The following PLEKHM3 variants were observed in gnomAD, a reference collection of about 807,000 sequenced individuals.
PLEKHM3 encodes pleckstrin homology domain containing M3.
PLEKHM3 carries 45 observed loss-of-function variants against 81.8 expected under a neutral mutation model. That is an observed-to-expected ratio of 0.55 (90% CI 0.43 to 0.71). The LOEUF (loss-of-function observed/expected upper bound fraction) is 0.71, where lower values mean the gene tolerates loss of function less well. PLEKHM3 is among the 30% of genes least tolerant of loss of function. The pLI is 0.00. For missense variants in PLEKHM3, 788 were observed against 924.3 expected (o/e 0.85, Z 1.91); for synonymous variants, 352 against 356.4 (o/e 0.99, Z 0.14).
chr2:207,841,472 AAAAAAAAAATATATATATATAT>A (rs1559203173), intron 7 of PLEKHM3, among the ~76,000 whole-genome samples: 7 of 41,952 alleles, frequency 1.7e-4, no homozygotes, highest in African/African-American at 3.0e-4. Flanking sequence ...AAAAAAAAAA[AAAAAAAAAATATATATATATAT>A]ATATATATAT....
intron 6 of PLEKHM3, among the ~76,000 whole-genome samples, chr2:207,889,739 T>C (rs998706214): frequency 6.6e-6 from 1 of 152,092 alleles, no homozygotes; most frequent in Admixed American, 6.6e-5. Flanking sequence ...TCCAATGCCA[T>C]TCCTGGGCCA....
intron 6 of PLEKHM3, among the ~76,000 whole-genome samples, chr2:207,894,541 TA>T: frequency 1.5e-5 from 2 of 129,598 alleles, no homozygotes; most frequent in East Asian, 4.4e-4. Context: ...AAAGACATGG[TA>T]GAGTTTCAGA....
intron 3 of PLEKHM3, among the ~76,000 whole-genome samples, chr2:207,948,081 C>CA (rs941202373): frequency 3.8e-4 from 57 of 148,128 alleles, no homozygotes; most frequent in East Asian, 1.2e-3. Context: ...TATTGAGCAG[C>CA]AAAAAAAAAA....
At chr2:207,933,754 A>C (rs902618605) in intron 4 of PLEKHM3, among the ~76,000 whole-genome samples, 2 of 152,212 alleles carry the variant, frequency 1.3e-5, no homozygotes, top group Non-Finnish European at 2.9e-5. Flanking sequence ...AAATTACAAA[A>C]AACAAAAACA....
chr2:207,847,868 G>A (rs1175275931), intron 7 of PLEKHM3, among the ~76,000 whole-genome samples: 1 of 152,142 alleles, frequency 6.6e-6, no homozygotes, highest in African/African-American at 2.4e-5. Context: ...CATATACATT[G>A]GGGGAAGCTA....
intron 2 of PLEKHM3, among the ~76,000 whole-genome samples, chr2:207,986,430 C>T (rs1691722148): frequency 6.6e-6 from 1 of 152,004 alleles, no homozygotes; most frequent in South Asian, 2.1e-4. Flanking sequence ...GCTATCCAGG[C>T]TATAGTAAGC....
chr2:208,015,715 A>T (rs28664011), intron 1 of PLEKHM3, among the ~76,000 whole-genome samples: 313 of 152,336 alleles, frequency 2.1e-3, no homozygotes, highest in African/African-American at 7.2e-3. Flanking sequence ...TAATTGCCCA[A>T]GCCTTTTACT....
At chr2:207,903,504 AAG>A (rs898182092) in intron 6 of PLEKHM3, among the ~76,000 whole-genome samples, 26 of 152,310 alleles carry the variant, frequency 1.7e-4, no homozygotes, top group African/African-American at 6.3e-4. Context: ...GTAATACCAG[AAG>A]AGTTAGTCAT....
chr2:207,951,654 G>C (rs1559253024), intron 3 of PLEKHM3, among the ~76,000 whole-genome samples: 1 of 152,068 alleles, frequency 6.6e-6, no homozygotes, highest in Non-Finnish European at 1.5e-5. Flanking sequence ...CCTATTTGCT[G>C]CACGTACAGT....
intron 1 of PLEKHM3, among the ~76,000 whole-genome samples, chr2:208,016,664 A>ACACACACACACAC (rs1325314479): frequency 3.7e-5 from 1 of 26,740 alleles, no homozygotes; most frequent in African/African-American, 8.4e-5. Context: ...AAAAAAAAAA[A>ACACACACACACAC]AAAAATACAC....
At chr2:207,830,474 G>A (rs1445727326) in intron 7 of PLEKHM3, among the ~76,000 whole-genome samples, 1 of 151,920 alleles carries the variant, frequency 6.6e-6, no homozygotes, top group Non-Finnish European at 1.5e-5. Context: ...TTAGCCGGGC[G>A]TGGTGACGCA....
chr2:207,893,038 G>C (rs1177855548), intron 6 of PLEKHM3, among the ~76,000 whole-genome samples: 1 of 152,160 alleles, frequency 6.6e-6, no homozygotes, highest in Non-Finnish European at 1.5e-5. Flanking sequence ...GTCTCACTTT[G>C]AAAGGACTTG....
intron 1 of PLEKHM3, among the ~76,000 whole-genome samples, chr2:208,005,185 T>C (rs1310303970): frequency 6.6e-6 from 1 of 152,214 alleles, no homozygotes; most frequent in African/African-American, 2.4e-5. Context: ...ATATACCCCA[T>C]GCTCAGTTTC....
At chr2:207,912,545 G>A (rs564325072) in intron 5 of PLEKHM3, among the ~76,000 whole-genome samples, 12 of 152,288 alleles carry the variant, frequency 7.9e-5, no homozygotes, top group African/African-American at 2.9e-4. Context: ...GAGATTTAGT[G>A]GTGGCCATTA....
chr2:207,976,576 T>G lies in PLEKHM3; in HGVS notation c.1546+75A>C, dbSNP rs1252979239. The stretch of plus-strand genomic sequence containing the variant: ...AGCTGTGACTAGCCTATTAAGGGGA[T>G]TTTTAAAGTGAATTCCAATTGTGGG... On this transcript the variant is annotated intron_variant, in intron 3 of 7. Coordinates refer to ENST00000427836, the MANE Select transcript of PLEKHM3 (RefSeq NM_001080475.3). The surrounding 1 kb of genome is among the most constrained non-coding windows in gnomAD (Gnocchi z 4.1). 1 of 1,427,766 alleles carries G rather than the reference T, an allele frequency of 7.0e-7. No homozygotes were observed. The highest frequency in any genetic ancestry group is 1.4e-5 in the African/African-American group (1 of 69,926). 88.4% of individuals were successfully genotyped at this position (1,427,766 alleles called of 1,614,324 possible).
In PLEKHM3 at chr2:208,001,204, C is replaced by G. The variant is rs1423014538; in HGVS notation, c.436G>C (p.Gly146Arg). 3 of 1,614,112 alleles carry G rather than the reference C, an allele frequency of 1.9e-6. No homozygotes were observed. The change falls in exon 2 of 8, where the codon GGG becomes CGG. Residue 146 changes from glycine (G) to arginine (R), a missense_variant. Physicochemically the swap from Gly to Arg is moderately radical, Grantham distance 125. Coordinates refer to ENST00000427836, the MANE Select transcript of PLEKHM3 (RefSeq NM_001080475.3). ...ATATCTGATCGTGATCGAGCATGCC[C>G]TGGCTTGAAAGTTGAGGTCTCATCC... ...LLDETSTFKPGHARSRSDITQ... is the reference protein window; with the variant it reads ...LLDETSTFKPRHARSRSDITQ...
chr2:207,833,931 T>G (rs1182860201), intron 7 of PLEKHM3, among the ~76,000 whole-genome samples: 4 of 152,194 alleles, frequency 2.6e-5, no homozygotes, highest in African/African-American at 9.7e-5. Context: ...TTTAAACACA[T>G]CATTTGATTA....
chr2:207,988,855 C>G (rs1344844913), intron 2 of PLEKHM3, among the ~76,000 whole-genome samples: 2 of 152,198 alleles, frequency 1.3e-5, no homozygotes, highest in African/African-American at 4.8e-5. Flanking sequence ...CCACAATCCT[C>G]TCTTATGTTC....
intron 5 of PLEKHM3, among the ~76,000 whole-genome samples, chr2:207,916,277 G>C (rs914912945): frequency 2.0e-5 from 3 of 152,144 alleles, no homozygotes; most frequent in African/African-American, 7.2e-5. Context: ...GCCTCAAGTA[G>C]AAATATCTGG....
Sources: allele counts gnomAD v4.1 joint callset (sites outside exome capture counted in the v4.1 genomes callset), GRCh38; gene constraint gnomAD v4.1.1; non-coding constraint Gnocchi (gnomAD v3.1); transcripts MANE v1.5; gene names NCBI Gene and HGNC (gene_info 2026-07-23, HGNC 2026-07-21).